Variants in CNTNAP4 observed in about 807,000 individuals in gnomAD.
The protein encoded by CNTNAP4 is contactin-associated protein-like 4.
A neutral mutation model predicts 148.4 loss-of-function variants in CNTNAP4; 98 were observed. That is an observed-to-expected ratio of 0.66 (90% confidence interval 0.56 to 0.78). CNTNAP4 has a LOEUF of 0.78. CNTNAP4 is among the 30% of genes least tolerant of loss of function. CNTNAP4 has a pLI of 0.00. For missense variants in CNTNAP4, 1,935 were observed against 1,565.6 expected, an observed-to-expected ratio of 1.24 and a Z score of -3.98; for synonymous variants, 730 against 565.1, an observed-to-expected ratio of 1.29 and a Z score of -4.14.
Position 76,488,875 on chromosome 16 carries a change from G to T in CNTNAP4, c.1883-811G>T, listed in dbSNP as rs12599181. Among the ~76,000 whole-genome samples the T allele has an allele frequency of 6.2e-3, 950 of 152,256 alleles. 25 individuals are homozygous for T. Among genetic ancestry groups the T allele is most frequent in the Admixed American group, 0.054 (826 of 15,288 alleles). On this transcript the variant is annotated intron_variant, in intron 12 of 23. Coordinates refer to ENST00000611870, the MANE Select transcript of CNTNAP4 (RefSeq NM_033401.5). ...TTCATCTAAGAAATTTTGATAATCAGTATGATGGAAATGTTTACAGACATT... is the reference window on the plus strand; with the variant it reads ...TTCATCTAAGAAATTTTGATAATCATTATGATGGAAATGTTTACAGACATT...
intron 3 of CNTNAP4, among the ~76,000 whole-genome samples, chr16:76,410,666 C>G (rs889867390): frequency 1.3e-5 from 2 of 151,694 alleles, no homozygotes; most frequent in African/African-American, 4.8e-5. Context: ...AAAATACTCT[C>G]TCTTTTGACT....
chr16:76,424,642 C>G (rs1188087664), intron 3 of CNTNAP4, among the ~76,000 whole-genome samples: 1 of 152,038 alleles, frequency 6.6e-6, no homozygotes, highest in Non-Finnish European at 1.5e-5. Context: ...GCCCGTAATC[C>G]CAGCTACTTG....
intron 3 of CNTNAP4, among the ~76,000 whole-genome samples, chr16:76,422,525 T>C (rs12935477): frequency 0.79 from 119,532 of 151,984 alleles, 47,416 homozygotes; most frequent in Non-Finnish European, 0.84. Context: ...TGAGGAAAAA[T>C]GAAAAAAGCT....
At chr16:76,494,291 G>C (rs1270166901) in intron 13 of CNTNAP4, among the ~76,000 whole-genome samples, 1 of 152,082 alleles carries the variant, frequency 6.6e-6, no homozygotes, top group Non-Finnish European at 1.5e-5. Flanking sequence ...TTCGCTTCCA[G>C]CATGAAGATT....
intron 3 of CNTNAP4, among the ~76,000 whole-genome samples, chr16:76,365,751 C>CA (rs35586454): frequency 0.048 from 4,736 of 99,700 alleles, 213 homozygotes; most frequent in African/African-American, 0.09. Context: ...GACTCCGTCT[C>CA]AAAAAAAAAA....
intron 4 of CNTNAP4, among the ~76,000 whole-genome samples, chr16:76,437,010 A>G (rs2079857343): frequency 8.1e-6 from 1 of 123,030 alleles, no homozygotes; most frequent in Non-Finnish European, 1.8e-5. Flanking sequence ...TTTATTAAGG[A>G]GTATTAATTC....
At chr16:76,299,564 A>C in intron 1 of CNTNAP4, among the ~76,000 whole-genome samples, 1 of 152,160 alleles carries the variant, frequency 6.6e-6, no homozygotes, top group Non-Finnish European at 1.5e-5. Flanking sequence ...AAACTAGTTC[A>C]ACCATTGTGG....
chr16:76,537,970 AACTT>A (rs1434328736), intron 18 of CNTNAP4, 142 bp from the exon 19 acceptor site: 3 of 327,168 alleles, frequency 9.2e-6, no homozygotes, highest in Admixed American at 4.7e-5. Flanking sequence ...AAGCTCTATT[AACTT>A]ACTTTATTAT....
At chr16:76,332,257 G>A (rs1013473408) in intron 2 of CNTNAP4, among the ~76,000 whole-genome samples, 3 of 152,000 alleles carry the variant, frequency 2.0e-5, no homozygotes, top group Non-Finnish European at 2.9e-5. Context: ...TGGAAAGTTT[G>A]GGGCCAATAT....
intron 12 of CNTNAP4, among the ~76,000 whole-genome samples, chr16:76,488,770 G>T (rs2082112526): frequency 6.6e-6 from 1 of 152,132 alleles, no homozygotes; most frequent in Non-Finnish European, 1.5e-5. Context: ...AGAAAATATA[G>T]TATAAAGTCT....
intron 3 of CNTNAP4, among the ~76,000 whole-genome samples, chr16:76,369,146 A>T (rs2144611261): frequency 6.6e-6 from 1 of 152,222 alleles, no homozygotes; most frequent in South Asian, 2.1e-4. Flanking sequence ...TCAAAATAGA[A>T]ATAACACATC....
At chr16:76,491,461 G>T (rs1386077835) in intron 13 of CNTNAP4, among the ~76,000 whole-genome samples, 5 of 152,206 alleles carry the variant, frequency 3.3e-5, no homozygotes, top group Non-Finnish European at 7.3e-5. Flanking sequence ...CAGGGTTGCA[G>T]TGATGATTGG....
Position 76,475,979 on chromosome 16 carries a change from C to A in CNTNAP4, c.1696C>A (p.Gln566Lys), listed in dbSNP as rs760316721. The change falls in exon 11 of 24, where the codon CAG (glutamine) becomes AAG (lysine). Residue 566 changes from glutamine to lysine, a missense_variant. Transcript: ENST00000611870. ...NYCEHGGECS[Q>K]SWSTFHCNCT... ...TTGTGAACACGGTGGGGAGTGTTCC[C>A]AGTCCTGGAGCACCTTTCATTGTAA... The A allele has an allele frequency of 6.2e-7, 1 of 1,613,888 alleles. No homozygotes were observed. Among genetic ancestry groups the A allele is most frequent in the South Asian group, 1.1e-5 (1 of 91,078 alleles).
chr16:76,512,560 C>G (rs1363852346), intron 15 of CNTNAP4, among the ~76,000 whole-genome samples: 1 of 151,964 alleles, frequency 6.6e-6, no homozygotes, highest in Non-Finnish European at 1.5e-5. Flanking sequence ...CTGCTGGGGT[C>G]AGAGTTGTAG....
chr16:76,373,897 C>CAAAAAAAAAA (rs71382634), intron 3 of CNTNAP4, among the ~76,000 whole-genome samples: 1 of 112,070 alleles, frequency 8.9e-6, no homozygotes, highest in Non-Finnish European at 1.8e-5. Context: ...CTCCATCTCA[C>CAAAAAAAAAA]AAAAAAAAAA....
At chr16:76,340,548 C>T (rs2144343171) in intron 2 of CNTNAP4, among the ~76,000 whole-genome samples, 2 of 152,214 alleles carry the variant, frequency 1.3e-5, no homozygotes, top group African/African-American at 4.8e-5. Context: ...CCAATGCCTA[C>T]TATTTATGGG....
intron 4 of CNTNAP4, among the ~76,000 whole-genome samples, chr16:76,446,551 G>T (rs1192436491): frequency 2.6e-5 from 4 of 152,094 alleles, no homozygotes; most frequent in Admixed American, 1.3e-4. Context: ...GAGTAAGAGT[G>T]ATTTTGACAA....
intron 1 of CNTNAP4, among the ~76,000 whole-genome samples, chr16:76,314,929 A>G (rs978408305): frequency 6.6e-6 from 1 of 152,030 alleles, no homozygotes; most frequent in African/African-American, 2.4e-5. Flanking sequence ...AGTTTTTTAA[A>G]CTCATATATG....
intron 10 of CNTNAP4, among the ~76,000 whole-genome samples, chr16:76,472,824 G>A (rs576792451): frequency 3.2e-4 from 49 of 152,230 alleles, no homozygotes; most frequent in South Asian, 1.2e-3. Context: ...TGGGAGGAGG[G>A]AGAGGATCAG....
Sources: allele counts gnomAD v4.1 joint callset (sites outside exome capture counted in the v4.1 genomes callset), GRCh38; gene constraint gnomAD v4.1.1; transcripts MANE v1.5; gene names NCBI Gene and HGNC (gene_info 2026-07-23, HGNC 2026-07-21).